MED22: variants seen among roughly 807,000 people sequenced by gnomAD.
MED22 encodes the protein mediator complex subunit 22.
MED22 carries 22 observed loss-of-function variants against 22.7 expected under a neutral mutation model. The ratio of observed to expected loss-of-function variants is 0.97; its 90% confidence interval spans 0.69 to 1.38. The LOEUF (loss-of-function observed/expected upper bound fraction) is 1.38, where lower values mean the gene tolerates loss of function less well. Ranked by LOEUF, MED22 falls within the 40% of genes most tolerant of loss-of-function variation. MED22 has a pLI of 0.00. For missense variants in MED22, 247 were observed against 263.0 expected (o/e 0.94, Z 0.42); for synonymous variants, 134 against 119.4 (o/e 1.12, Z -0.80).
At chr9:133,342,095 A>G (rs912426789) in intron 4 of MED22, 14 of 1,065,586 alleles carry the variant, frequency 1.3e-5, no homozygotes, top group African/African-American at 1.7e-5. Flanking sequence ...GTGTCACTAC[A>G]CTGCAAAGAG....
Position 133,346,681 on chromosome 9 carries a change from G to T in MED22, c.-19C>A. 2 of 1,609,026 alleles carry T rather than the reference G, an allele frequency of 1.2e-6. No individual in the cohort carries two copies. The highest frequency in any genetic ancestry group is 1.7e-6 in the Non-Finnish European group (2 of 1,179,738). ...GGGCCATGGCCGAGCCTCAAGCAGC[G>T]CAGCGGGGAGACCTGGGACCTAGAG... On this transcript the variant is annotated 5_prime_UTR_variant, in exon 2 of 5. Coordinates refer to ENST00000343730, the MANE Select transcript of MED22 (RefSeq NM_133640.5).
chr9:133,340,381 T>C lies in MED22; in HGVS notation c.*1124A>G, dbSNP rs2129944846. The stretch of plus-strand genomic sequence containing the variant: ...CACCTCATTCATACATCGGGAAAGA[T>C]GATGGCCTCCCCCATGAGAAGATGA... On this transcript the variant is annotated 3_prime_UTR_variant, in exon 5 of 5. Transcript: ENST00000343730. The C allele has an allele frequency of 0.076, 11,593 of 152,228 alleles. 1,408 individuals are homozygous for C. The highest frequency in any genetic ancestry group is 0.26 in the African/African-American group (10,666 of 41,346). 9.4% of individuals were successfully genotyped at this position (152,228 alleles called of 1,614,324 possible). A position where few individuals can be genotyped will look rare whatever the true frequency, so the allele number is the denominator to read the frequency against.
chr9:133,343,758 ATGGATT>A, intron 4 of MED22: 2 of 1,324,320 alleles, frequency 1.5e-6, no homozygotes, highest in Non-Finnish European at 1.9e-6. Flanking sequence ...ATCTCTACAT[ATGGATT>A]CAGAAGGTAA....
At position 133,344,214 on chromosome 9, in the gene MED22, C is replaced by G. The variant is rs2129960538; in HGVS notation, c.324G>C (p.Leu108=). Residue 108 remains leucine (L), a synonymous_variant, in exon 4 of 5, where the codon CTG becomes CTC. Transcript: ENST00000343730. ...TGAGCTTCCGGTCGCACTCCTCCTG[C>G]AGTGTGCGCAGCTGCTGGTTGCGCT... ...IDQRNQQLRT[L]QEECDRKLIT... is the part of the protein sequence containing the mutation. The G allele has an allele frequency of 2.8e-5, 46 of 1,614,086 alleles. No individual in the cohort carries two copies. Among genetic ancestry groups the G allele is most frequent in the African/African-American group, 1.3e-5 (1 of 74,948 alleles).
chr9:133,345,300 C>G (rs2129964740), intron 2 of MED22, 48 bp from the exon 3 acceptor site: 2 of 1,579,052 alleles, frequency 1.3e-6, no homozygotes, highest in African/African-American at 2.7e-5. Flanking sequence ...CAAGGCATCC[C>G]CACCCCTGGC....
At position 133,341,411 on chromosome 9, in the gene MED22, A is replaced by T; in HGVS notation, c.*94T>A. 2 of 1,346,992 alleles carry T rather than the reference A, an allele frequency of 1.5e-6. No homozygotes were observed. Among genetic ancestry groups the T allele is most frequent in the Non-Finnish European group, 1.9e-6 (2 of 1,036,982 alleles). 83.4% of individuals were successfully genotyped at this position (1,346,992 alleles called of 1,614,324 possible). A position where few individuals can be genotyped will look rare whatever the true frequency, so the allele number is the denominator to read the frequency against. ...TGGCTCTGGGGTCCTGAAGTCCCCA[A>T]ATGGGAACCTAGGCTGAGAGAAGCA... On this transcript the variant is annotated 3_prime_UTR_variant, in exon 5 of 5. Coordinates refer to ENST00000343730, the MANE Select transcript of MED22 (RefSeq NM_133640.5).
chr9:133,339,373 G>C lies in MED22; in HGVS notation c.*2132C>G. On this transcript the variant is annotated 3_prime_UTR_variant, in exon 5 of 5. Transcript: ENST00000343730. Reference sequence around the variant, plus strand: ...AAAGGTACCTGGATTCAACTGAAGCGCCAGCCTGCTCCACCCAGAGCAGCA... The same window carrying C: ...AAAGGTACCTGGATTCAACTGAAGCCCCAGCCTGCTCCACCCAGAGCAGCA... 1.4e-6 allele frequency: 1 copy of C among 718,660 alleles called. No individual in the cohort carries two copies. Among genetic ancestry groups the C allele is most frequent in the Non-Finnish European group, 2.6e-6 (1 of 385,142 alleles). 44.5% of individuals were successfully genotyped at this position (718,660 alleles called of 1,614,324 possible). A position where few individuals can be genotyped will look rare whatever the true frequency, so the allele number is the denominator to read the frequency against.
At chr9:133,342,559 G>C in intron 4 of MED22, 1 of 986,884 alleles carries the variant, frequency 1.0e-6, no homozygotes, top group South Asian at 4.7e-5. Context: ...AACAGGGCAG[G>C]GCAGGGCAGG....
Position 133,346,587 on chromosome 9 carries a change from T to C in MED22, c.76A>G (p.Ile26Val). The C allele has an allele frequency of 6.2e-7, 1 of 1,613,142 alleles. No homozygotes were observed. The highest frequency in any genetic ancestry group is 8.5e-7 in the Non-Finnish European group (1 of 1,180,022). ...QSYNKRLKDDIKSIMDNFTEI... is the reference protein window; with the variant it reads ...QSYNKRLKDDVKSIMDNFTEI... ...GTGAAGTTGTCCATGATGGACTTAA[T>C]GTCGTCCTTCAGCCGCTTGTTGTAG... Residue 26 changes from isoleucine (I) to valine (V), a missense_variant, in exon 2 of 5, where the codon ATT becomes GTT. Ile to Val is a conservative substitution (Grantham distance 29). Transcript: ENST00000343730.
At chr9:133,346,112 G>A (rs1588680831) in intron 2 of MED22, among the ~76,000 whole-genome samples, 2 of 152,326 alleles carry the variant, frequency 1.3e-5, no homozygotes, top group South Asian at 2.1e-4. Context: ...GCAGCCAGGA[G>A]GGATCCAGCC....
rs115008067 is a variant in MED22, at chr9:133,343,889, G to A, written c.413+236C>T. The A allele has an allele frequency of 3.2e-3, 4,509 of 1,423,496 alleles. 10 individuals are homozygous for A. Among genetic ancestry groups the A allele is most frequent in the African/African-American group, 9.9e-3 (691 of 69,682 alleles). 88.2% of individuals were successfully genotyped at this position (1,423,496 alleles called of 1,614,324 possible). A position where few individuals can be genotyped will look rare whatever the true frequency, so the allele number is the denominator to read the frequency against. ...TCCAGACTCGGCCTATCCGACTGGC[G>A]TGAGTCCTGTGGTTTTCATCACATT... On this transcript the variant is annotated intron_variant, in intron 4 of 4. Coordinates refer to ENST00000343730, the MANE Select transcript of MED22 (RefSeq NM_133640.5).
chr9:133,341,166 G>A lies in MED22; in HGVS notation c.*339C>T, dbSNP rs1835991144. 4.5e-6 allele frequency: 1 copy of A among 223,076 alleles called. No individual in the cohort carries two copies. The highest frequency in any genetic ancestry group is 8.7e-6 in the Non-Finnish European group (1 of 114,310). 13.8% of individuals were successfully genotyped at this position (223,076 alleles called of 1,614,324 possible). A position where few individuals can be genotyped will look rare whatever the true frequency, so the allele number is the denominator to read the frequency against. ...AACTCTGACAACAGGCTCGGGTCAG[G>A]ACTCCCCGAAATCAGGCACCCTCCT... On this transcript the variant is annotated 3_prime_UTR_variant, in exon 5 of 5. Coordinates refer to ENST00000343730, the MANE Select transcript of MED22 (RefSeq NM_133640.5).
chr9:133,344,548 C>T (rs1330570412), intron 3 of MED22, among the ~76,000 whole-genome samples: 1 of 152,222 alleles, frequency 6.6e-6, no homozygotes, highest in Non-Finnish European at 1.5e-5. Flanking sequence ...CCCCTCTCGT[C>T]AGCCTCTGGC....
At position 133,339,102 on chromosome 9, in the gene MED22, A is replaced by G; in HGVS notation, c.*2403T>C. ...TATATGCAAATTGATGAGAAAGGTG[A>G]TATTGTAGATATCAAGGGAATGGGT... On this transcript the variant is annotated 3_prime_UTR_variant, in exon 5 of 5. Transcript: ENST00000343730. 1 of 674,456 alleles carries G rather than the reference A, an allele frequency of 1.5e-6. No homozygotes were observed. The highest frequency in any genetic ancestry group is 2.8e-6 in the Non-Finnish European group (1 of 360,350). The allele number at this position is 674,456 out of a possible 1,614,324, so 41.8% of individuals were successfully genotyped here. A position where few individuals can be genotyped will look rare whatever the true frequency, so the allele number is the denominator to read the frequency against.
chr9:133,344,363 G>T, intron 3 of MED22, 30 bp from the exon 4 acceptor site: 2 of 1,610,552 alleles, frequency 1.2e-6, no homozygotes, highest in South Asian at 1.1e-5. Flanking sequence ...GGCGGGCACA[G>T]GGTGAGGGGG....
rs2129961008 is a variant in MED22 at position 133,344,259 on chromosome 9, G to A, written c.279C>T (p.Ser93=). 8.7e-6 allele frequency: 14 copies of A among 1,614,082 alleles called. No homozygotes were observed. The highest frequency in any genetic ancestry group is 3.3e-5 in the South Asian group (3 of 91,090). ...TGCGCTGGTCAATGGCCTCGTTCAC[G>A]GAGGGGAAGTCATTGAGGATCAGGA... ...KQFLILNDFP[S]VNEAIDQRNQ... is the part of the protein sequence containing the mutation. The change falls in exon 4 of 5, where the codon TCC becomes TCT. Residue 93 remains serine, a synonymous_variant. Coordinates refer to ENST00000343730, the MANE Select transcript of MED22 (RefSeq NM_133640.5).
intron 4 of MED22, chr9:133,343,543 G>A (rs2129957099): frequency 1.6e-5 from 20 of 1,237,576 alleles, no homozygotes; most frequent in African/African-American, 3.1e-5. Flanking sequence ...CTCCAGCTCC[G>A]TGGATAAGGC....
chr9:133,342,356 G>C (rs1376603237), intron 4 of MED22: 1 of 986,028 alleles, frequency 1.0e-6, no homozygotes, highest in Non-Finnish European at 1.2e-6. Context: ...CTAACCTGCA[G>C]GCAGGGGCCC....
Position 133,344,212 on chromosome 9 carries a change from T to C in MED22, c.326A>G (p.Gln109Arg), listed in dbSNP as rs1236719359. Residue 109 changes from glutamine (Q) to arginine (R), a missense_variant, in exon 4 of 5, where the codon CAG becomes CGG. Transcript: ENST00000343730. ...DQRNQQLRTL[Q>R]EECDRKLITL... Reference sequence around the variant, plus strand: ...GATGAGCTTCCGGTCGCACTCCTCCTGCAGTGTGCGCAGCTGCTGGTTGCG... The same window carrying C: ...GATGAGCTTCCGGTCGCACTCCTCCCGCAGTGTGCGCAGCTGCTGGTTGCG... 8.1e-6 allele frequency: 13 copies of C among 1,614,220 alleles called. No homozygotes were observed. The highest frequency in any genetic ancestry group is 1.7e-5 in the Admixed American group (1 of 60,028).
Sources: gnomAD v4.1 joint callset for allele counts (sites outside exome capture counted in the v4.1 genomes callset) on GRCh38, gnomAD v4.1.1 for gene constraint, MANE v1.5 for transcripts, NCBI Gene and HGNC (gene_info 2026-07-23, HGNC 2026-07-21) for gene names.